LSAMP: variants seen among roughly 807,000 people sequenced by gnomAD.
LSAMP encodes the protein limbic system associated membrane protein.
LSAMP carries 7 observed loss-of-function variants against 38.6 expected under a neutral mutation model. The observed-to-expected ratio is 0.18, with a 90% CI of 0.10 to 0.34. The LOEUF is 0.34. Among genes scored for constraint, LSAMP ranks in the 10% least tolerant of loss-of-function variants. The probability of loss-of-function intolerance (pLI) is 1.00; values close to 1 mark genes in which losing one functional copy is unlikely to be tolerated. For missense variants in LSAMP, 313 were observed against 420.0 expected, an observed-to-expected ratio of 0.75 and a Z score of 2.23; for synonymous variants, 154 against 166.8, an observed-to-expected ratio of 0.92 and a Z score of 0.59.
intron 3 of LSAMP, among the ~76,000 whole-genome samples, chr3:115,975,302 A>C (rs1299748353): frequency 6.6e-6 from 1 of 152,168 alleles, no homozygotes; most frequent in Non-Finnish European, 1.5e-5. Context: ...AAAAAAACAA[A>C]ACATGAGAGA....
At chr3:116,338,046 C>A (rs554555852) in intron 1 of LSAMP, among the ~76,000 whole-genome samples, 1 of 152,164 alleles carries the variant, frequency 6.6e-6, no homozygotes, top group South Asian at 2.1e-4. Flanking sequence ...AACCTTATTC[C>A]AGTCCTACAA....
At chr3:116,437,263 A>AG (rs913449048) in intron 1 of LSAMP, among the ~76,000 whole-genome samples, 35 of 152,064 alleles carry the variant, frequency 2.3e-4, no homozygotes, top group Non-Finnish European at 4.1e-4. Flanking sequence ...ACTTGGGGGA[A>AG]GGGGGGCGAG....
At chr3:116,219,929 C>T (rs2107615173) in intron 1 of LSAMP, among the ~76,000 whole-genome samples, 1 of 152,292 alleles carries the variant, frequency 6.6e-6, no homozygotes, top group South Asian at 2.1e-4. Flanking sequence ...AATCCCAGCA[C>T]TTTGAGAGGC....
chr3:116,412,423 C>A (rs2048992374), intron 1 of LSAMP, among the ~76,000 whole-genome samples: 1 of 152,074 alleles, frequency 6.6e-6, no homozygotes, highest in South Asian at 2.1e-4. Context: ...ACTCATGATT[C>A]TTTCTACATC....
intron 3 of LSAMP, among the ~76,000 whole-genome samples, chr3:115,940,340 T>C (rs13070995): frequency 3.2e-4 from 1 of 3,114 alleles, no homozygotes; most frequent in Non-Finnish European, 3.0e-3. Flanking sequence ...TTTTACAGAG[T>C]GCTGATTGGT....
chr3:116,337,175 A>G (rs377553884), intron 1 of LSAMP, among the ~76,000 whole-genome samples: 1 of 151,980 alleles, frequency 6.6e-6, no homozygotes, highest in African/African-American at 2.4e-5. Flanking sequence ...GTAAGGGAAT[A>G]TGGAAAGTTA....
chr3:116,104,704 C>T (rs1223830427), intron 1 of LSAMP, among the ~76,000 whole-genome samples: 1 of 152,152 alleles, frequency 6.6e-6, no homozygotes, highest in African/African-American at 2.4e-5. Flanking sequence ...AAGTGAACTA[C>T]CTCACGTCTC....
intron 3 of LSAMP, among the ~76,000 whole-genome samples, chr3:115,874,271 A>G (rs547360152): frequency 6.6e-6 from 1 of 152,196 alleles, no homozygotes; most frequent in South Asian, 2.1e-4. Flanking sequence ...GTCTTTGGGA[A>G]CCAGCTCCAA....
intron 1 of LSAMP, among the ~76,000 whole-genome samples, chr3:116,337,717 G>A (rs139863752): frequency 4.3e-4 from 65 of 152,052 alleles, no homozygotes; most frequent in Middle Eastern, 6.8e-3. Context: ...GTAGGTGCAT[G>A]TTAACAAAAA....
chr3:115,995,596 T>A (rs1576292198), intron 3 of LSAMP, among the ~76,000 whole-genome samples: 1 of 144,038 alleles, frequency 6.9e-6, no homozygotes, highest in Middle Eastern at 3.7e-3. Context: ...AGTTTTAGGG[T>A]TTTTTCCCCC....
intron 1 of LSAMP, among the ~76,000 whole-genome samples, chr3:116,164,514 T>A (rs1222581072): frequency 6.8e-6 from 1 of 146,890 alleles, no homozygotes; most frequent in Non-Finnish European, 1.5e-5. Context: ...GTGTGGAGAA[T>A]AAACTGTTTA....
chr3:115,813,425 ATATTC>A (rs1241797746), intron 6 of LSAMP, among the ~76,000 whole-genome samples: 1 of 152,192 alleles, frequency 6.6e-6, no homozygotes, highest in Non-Finnish European at 1.5e-5. Context: ...TTGTGTAAGT[ATATTC>A]TATGATGTTC....
At chr3:116,069,860 G>C (rs1251429177) in intron 2 of LSAMP, among the ~76,000 whole-genome samples, 1 of 152,106 alleles carries the variant, frequency 6.6e-6, no homozygotes, top group East Asian at 1.9e-4. Flanking sequence ...GAAAAATAAA[G>C]GGAAACGCTG....
In LSAMP at chr3:116,017,099, T is replaced by C. The variant is rs553915087; in HGVS notation, c.514+2416A>G. 5.3e-5 allele frequency among the ~76,000 whole-genome samples: 8 copies of C among 152,146 alleles called. 1 individual carries two copies. Among genetic ancestry groups the C allele is most frequent in the Non-Finnish European group, 7.4e-5 (5 of 68,012 alleles). On this transcript the variant is annotated intron_variant, in intron 3 of 6. Coordinates refer to ENST00000490035, the MANE Select transcript of LSAMP (RefSeq NM_002338.5). ...AGCTATTAAGGGGTCAAGTCACATG[T>C]TCATTATCATGGGAAAGTTTATGAG... is the stretch of plus-strand genomic sequence containing the variant.
At chr3:115,853,739 T>C (rs1262815924) in intron 3 of LSAMP, among the ~76,000 whole-genome samples, 1 of 152,120 alleles carries the variant, frequency 6.6e-6, no homozygotes, top group African/African-American at 2.4e-5. Context: ...CAACTCTAGC[T>C]AAACTGAACC....
intron 1 of LSAMP, among the ~76,000 whole-genome samples, chr3:116,273,878 G>A (rs912691050): frequency 4.3e-5 from 6 of 138,984 alleles, no homozygotes; most frequent in East Asian, 2.2e-4. Flanking sequence ...TCTAATCCAC[G>A]GTCAAACACC....
intron 3 of LSAMP, among the ~76,000 whole-genome samples, chr3:115,939,581 T>TTTCTTTCTTTCTTTCTTTCG (rs1221412986): frequency 8.0e-5 from 12 of 150,756 alleles, no homozygotes; most frequent in African/African-American, 2.9e-4. Context: ...TCTTTCTTTC[T>TTTCTTTCTTTCTTTCTTTCG]TTCTGTTAAG....
At chr3:115,874,386 CTTGTT>C (rs1398716873) in intron 3 of LSAMP, among the ~76,000 whole-genome samples, 4 of 151,986 alleles carry the variant, frequency 2.6e-5, no homozygotes, top group Non-Finnish European at 5.9e-5. Flanking sequence ...AGGTTTTTGT[CTTGTT>C]TTGTTTTGTC....
rs1421567749 is a variant in LSAMP at position 116,344,556 on chromosome 3, TC to T, written c.155+100320del. Among the ~76,000 whole-genome samples, 4 of 152,110 alleles carry T rather than the reference TC, an allele frequency of 2.6e-5. No individual in the cohort carries two copies. The East Asian group carries it at 5.8e-4, about 22-fold the overall frequency. On this transcript the variant is annotated intron_variant, in intron 1 of 6. Coordinates refer to ENST00000490035, the MANE Select transcript of LSAMP (RefSeq NM_002338.5). ...CTAAAGAAATCTCCTGCCTCTAGGC[TC>T]TTCCACTCTACCTCCTTTAATTGTC... is the stretch of plus-strand genomic sequence containing the variant.
Sources: gnomAD v4.1 joint callset for allele counts (sites outside exome capture counted in the v4.1 genomes callset) on GRCh38, gnomAD v4.1.1 for gene constraint, MANE v1.5 for transcripts, NCBI Gene and HGNC (gene_info 2026-07-23, HGNC 2026-07-21) for gene names.